NOL10: variants seen among roughly 807,000 people sequenced by gnomAD.
NOL10 encodes the protein H_NH0074G24.1.
In NOL10, 58 loss-of-function variants were observed where a neutral mutation model predicts 103.5. The observed-to-expected ratio is 0.56, with a 90% CI of 0.45 to 0.70. The LOEUF (loss-of-function observed/expected upper bound fraction) is 0.70, where lower values mean the gene tolerates loss of function less well. NOL10 is among the 30% of genes least tolerant of loss of function. The probability of loss-of-function intolerance (pLI) is 0.00; values close to 1 mark genes in which losing one functional copy is unlikely to be tolerated. For missense variants in NOL10, 763 were observed against 807.3 expected (o/e 0.95, Z 0.67); for synonymous variants, 287 against 282.5 (o/e 1.02, Z -0.16).
intron 16 of NOL10, among the ~76,000 whole-genome samples, chr2:10,601,375 A>C (rs1453526878): frequency 6.6e-6 from 1 of 152,094 alleles, no homozygotes; most frequent in African/African-American, 2.4e-5. Flanking sequence ...ACTAATTCGT[A>C]TTTTAAAAAT....
intron 13 of NOL10, among the ~76,000 whole-genome samples, chr2:10,607,627 ATGT>A: frequency 6.6e-6 from 1 of 152,186 alleles, no homozygotes; most frequent in East Asian, 1.9e-4. Flanking sequence ...CCATCCATTC[ATGT>A]ATCACCTCCT....
At chr2:10,651,498 A>G (rs1437748295) in intron 12 of NOL10, among the ~76,000 whole-genome samples, 1 of 152,240 alleles carries the variant, frequency 6.6e-6, no homozygotes, top group Non-Finnish European at 1.5e-5. Context: ...TGTAATTAAT[A>G]GAAAATTATT....
chr2:10,630,270 C>A (rs781502421), intron 13 of NOL10, among the ~76,000 whole-genome samples: 1 of 152,174 alleles, frequency 6.6e-6, no homozygotes, highest in Non-Finnish European at 1.5e-5. Flanking sequence ...GAATAAGTAA[C>A]TCATTCAAGG....
chr2:10,611,977 G>C (rs983350078), intron 13 of NOL10, among the ~76,000 whole-genome samples: 8 of 151,878 alleles, frequency 5.3e-5, no homozygotes, highest in Non-Finnish European at 1.0e-4. Flanking sequence ...AAATTAGCTG[G>C]GCATGATGGC....
intron 13 of NOL10, among the ~76,000 whole-genome samples, chr2:10,639,188 C>T (rs1245765813): frequency 3.3e-5 from 5 of 152,038 alleles, no homozygotes; most frequent in East Asian, 2.0e-4. Context: ...TTTGGGAGGC[C>T]GAGGCAGGCG....
intron 11 of NOL10, among the ~76,000 whole-genome samples, chr2:10,656,037 A>G (rs1168844782): frequency 6.6e-6 from 1 of 152,238 alleles, no homozygotes; most frequent in East Asian, 1.9e-4. Flanking sequence ...GTCAAAGGTG[A>G]TAATAATCCA....
intron 13 of NOL10, among the ~76,000 whole-genome samples, chr2:10,616,297 C>T (rs909662289): frequency 1.6e-4 from 23 of 142,628 alleles, no homozygotes; most frequent in Non-Finnish European, 3.0e-5. Context: ...GGTGCGATCT[C>T]GGCTCACTGC....
chr2:10,586,489 C>T (rs1675027257), intron 19 of NOL10, among the ~76,000 whole-genome samples: 1 of 152,224 alleles, frequency 6.6e-6, no homozygotes, highest in Non-Finnish European at 1.5e-5. Context: ...AAAGAAAACA[C>T]CTTCAAAAGA....
At chr2:10,577,533 G>A in intron 20 of NOL10, 103 bp downstream of exon 20, 1 of 816,188 alleles carries the variant, frequency 1.2e-6, no homozygotes, top group Non-Finnish European at 1.9e-6. Flanking sequence ...TCCTCAATAG[G>A]GGAAAAGCAT....
At chr2:10,574,154 T>C (rs1674329775) in intron 20 of NOL10, among the ~76,000 whole-genome samples, 1 of 152,082 alleles carries the variant, frequency 6.6e-6, no homozygotes, top group Non-Finnish European at 1.5e-5. Flanking sequence ...AGAACTGTGG[T>C]GGCAAGAGCC....
intron 3 of NOL10, among the ~76,000 whole-genome samples, chr2:10,676,665 T>G (rs1365827852): frequency 6.9e-6 from 1 of 144,134 alleles, no homozygotes; most frequent in Non-Finnish European, 1.5e-5. Flanking sequence ...TGAGACAGAG[T>G]CTCATTCTGT....
intron 13 of NOL10, among the ~76,000 whole-genome samples, chr2:10,628,411 A>G (rs1677620295): frequency 6.6e-6 from 1 of 152,166 alleles, no homozygotes; most frequent in Admixed American, 6.5e-5. Context: ...CAGTTGACTG[A>G]AACCAACAGA....
chr2:10,620,226 T>C (rs1227184822), intron 13 of NOL10, among the ~76,000 whole-genome samples: 1 of 152,208 alleles, frequency 6.6e-6, no homozygotes, highest in East Asian at 1.9e-4. Context: ...ATTAATAACT[T>C]TTCTGCATAT....
At chr2:10,665,271 G>T (rs1014232342) in intron 8 of NOL10, among the ~76,000 whole-genome samples, 9 of 151,964 alleles carry the variant, frequency 5.9e-5, no homozygotes, top group African/African-American at 2.2e-4. Flanking sequence ...ACACAAAATG[G>T]GTATGCAGAT....
chr2:10,590,853 T>G (rs1227119800), intron 17 of NOL10: 1 of 152,246 alleles, frequency 6.6e-6, no homozygotes, highest in Non-Finnish European at 1.5e-5. Context: ...GCTACAGGCT[T>G]GGAAGCCAGA....
intron 13 of NOL10, among the ~76,000 whole-genome samples, chr2:10,632,776 G>T (rs1194272785): frequency 2.6e-5 from 4 of 151,838 alleles, no homozygotes; most frequent in Non-Finnish European, 5.9e-5. Flanking sequence ...CATGGGCCTG[G>T]TTCCCTCATT....
At chr2:10,589,406 G>GC in intron 18 of NOL10, 116 bp from the exon 19 acceptor site, 1 of 1,381,376 alleles carries the variant, frequency 7.2e-7, no homozygotes, top group Non-Finnish European at 9.7e-7. Flanking sequence ...TCTACTGCAT[G>GC]CATCAGGAGA....
intron 20 of NOL10, among the ~76,000 whole-genome samples, chr2:10,576,947 T>C (rs1479977460): frequency 6.6e-6 from 1 of 152,186 alleles, no homozygotes; most frequent in Non-Finnish European, 1.5e-5. Context: ...GTCATTCTGT[T>C]CTATTTGGTG....
chr2:10,687,712 A>C (rs1300283948), intron 1 of NOL10, among the ~76,000 whole-genome samples: 1 of 152,182 alleles, frequency 6.6e-6, no homozygotes. Context: ...TAATCCCAGC[A>C]CTTTGGGAGG....
Sources: allele counts gnomAD v4.1 joint callset (sites outside exome capture counted in the v4.1 genomes callset), GRCh38; gene constraint gnomAD v4.1.1; transcripts MANE v1.5; gene names NCBI Gene and HGNC (gene_info 2026-07-23, HGNC 2026-07-21).